The following RIMS1 variants were observed in gnomAD, a reference collection of about 807,000 sequenced individuals.
The protein encoded by RIMS1 is regulating synaptic membrane exocytosis 1.
Under a neutral mutation model 214.1 loss-of-function variants are expected in RIMS1, and 83 were observed. That is an observed-to-expected ratio of 0.39 (90% CI 0.32 to 0.47). The LOEUF is 0.47. Among genes scored for constraint, RIMS1 ranks in the 20% least tolerant of loss-of-function variants. RIMS1 has a pLI of 0.99. For synonymous variants in RIMS1, 793 were observed against 786.8 expected, an observed-to-expected ratio of 1.01 and a Z score of -0.13; for missense variants, 2,050 against 2,161.8, an observed-to-expected ratio of 0.95 and a Z score of 1.03.
intron 6 of RIMS1, among the ~76,000 whole-genome samples, chr6:72,208,171 T>G (rs2053247376): frequency 6.6e-6 from 1 of 152,192 alleles, no homozygotes; most frequent in African/African-American, 2.4e-5. Flanking sequence ...AAATGAGTAA[T>G]CTTATTTCTG....
At chr6:72,006,572 T>A (rs962375452) in intron 2 of RIMS1, among the ~76,000 whole-genome samples, 22 of 152,290 alleles carry the variant, frequency 1.4e-4, no homozygotes, top group Admixed American at 4.6e-4. Flanking sequence ...TTCCCTTTCC[T>A]AGCCAAGGAA....
rs375562812 is a variant in RIMS1, at chr6:72,096,760, A to T, written c.246-189A>T. On this transcript the variant is annotated intron_variant, in intron 2 of 33. Coordinates refer to ENST00000521978, the MANE Select transcript of RIMS1 (RefSeq NM_014989.7). Reference sequence around the variant, plus strand: ...TTCAGTGCTAATAAGCAAAACAGGGATTATGGAATCATGCTAATACATATC... The same window carrying T: ...TTCAGTGCTAATAAGCAAAACAGGGTTTATGGAATCATGCTAATACATATC... 1.0e-3 allele frequency among the ~76,000 whole-genome samples: 159 copies of T among 152,310 alleles called. 1 individual carries two copies. The highest frequency in any genetic ancestry group is 3.7e-3 in the African/African-American group (152 of 41,570).
chr6:72,288,230 T>G (rs2092725822), intron 24 of RIMS1, among the ~76,000 whole-genome samples: 1 of 151,908 alleles, frequency 6.6e-6, no homozygotes, highest in Non-Finnish European at 1.5e-5. Context: ...CATAATAAAA[T>G]AAAATAAAAT....
At chr6:71,924,372 A>T (rs1028167990) in intron 1 of RIMS1, among the ~76,000 whole-genome samples, 2 of 151,992 alleles carry the variant, frequency 1.3e-5, no homozygotes, top group African/African-American at 4.8e-5. Flanking sequence ...ACTTACCCTC[A>T]GGTTAGTTCC....
At chr6:72,222,657 T>C (rs983248898) in intron 6 of RIMS1, among the ~76,000 whole-genome samples, 1 of 152,166 alleles carries the variant, frequency 6.6e-6, no homozygotes, top group African/African-American at 2.4e-5. Context: ...TTGTTATGAT[T>C]ATTGCTATTT....
intron 29 of RIMS1, chr6:72,366,712 G>A: frequency 1.0e-6 from 1 of 985,778 alleles, no homozygotes. Context: ...GAGAGAATGG[G>A]AGAGAGACAG....
chr6:72,352,915 C>T (rs943689899), intron 29 of RIMS1, among the ~76,000 whole-genome samples: 21 of 150,904 alleles, frequency 1.4e-4, no homozygotes, highest in African/African-American at 5.1e-4. Context: ...AACTGACTGT[C>T]ACACACACAA....
At position 72,179,921 on chromosome 6, in the gene RIMS1, A is replaced by C. The variant is rs1276862521; in HGVS notation, c.812+6A>C. ...AGTGAACCTCCTAGAGAGAGGTAAT[A>C]GTTCTTTCACCCTGTAAGCAAAAGG... On this transcript the variant is annotated splice_donor_region_variant and intron_variant, in intron 5 of 33. Transcript: ENST00000521978. 6.9e-7 allele frequency: 1 copy of C among 1,453,070 alleles called. No individual in the cohort carries two copies. The highest frequency in any genetic ancestry group is 9.1e-7 in the Non-Finnish European group (1 of 1,098,060). The allele number at this position is 1,453,070 out of a possible 1,614,324, so 90.0% of individuals were successfully genotyped here.
chr6:72,109,437 TTC>T (rs2035537404), intron 4 of RIMS1, among the ~76,000 whole-genome samples: 2 of 152,140 alleles, frequency 1.3e-5, no homozygotes, highest in Admixed American at 1.3e-4. Context: ...TGATTTGCAT[TTC>T]TCTGATGGCC....
intron 29 of RIMS1, among the ~76,000 whole-genome samples, chr6:72,380,502 T>C (rs1451485073): frequency 6.6e-6 from 1 of 152,178 alleles, no homozygotes; most frequent in Non-Finnish European, 1.5e-5. Context: ...TAAGGAGATA[T>C]TCTAGGTTTA....
rs894078253 is a variant in RIMS1, at chr6:71,990,736, G to A, written c.245+21673G>A. 5.3e-5 allele frequency among the ~76,000 whole-genome samples: 8 copies of A among 152,156 alleles called. No individual in the cohort carries two copies. The East Asian group carries it at 9.7e-4, about 18-fold the overall frequency. ...CCTGACAGGATGGGCAGTAAGCTCC[G>A]AGATCAGAAGGAACGTGTCCCTGGA... is the stretch of plus-strand genomic sequence containing the variant. On this transcript the variant is annotated intron_variant, in intron 2 of 33. Coordinates refer to ENST00000521978, the MANE Select transcript of RIMS1 (RefSeq NM_014989.7).
chr6:71,898,352 C>T (rs917728955), intron 1 of RIMS1, among the ~76,000 whole-genome samples: 1 of 152,014 alleles, frequency 6.6e-6, no homozygotes, highest in Non-Finnish European at 1.5e-5. Context: ...AAAAAGGATA[C>T]CTCAGTTAAG....
rs2035639158 is a variant in RIMS1, at chr6:72,109,800, G to A, written c.471+9814G>A. Reference sequence around the variant, plus strand: ...CCATGCCTGTGTCCTGAATGGTAATGCCTAGGTTTTCTTCTAGGGTTTTTA... The same window carrying A: ...CCATGCCTGTGTCCTGAATGGTAATACCTAGGTTTTCTTCTAGGGTTTTTA... On this transcript the variant is annotated intron_variant, in intron 4 of 33. Transcript: ENST00000521978. Among the ~76,000 whole-genome samples the A allele has an allele frequency of 3.3e-5, 5 of 152,222 alleles. 1 individual carries two copies. The South Asian group carries it at 8.3e-4, about 25-fold the overall frequency.
intron 6 of RIMS1, among the ~76,000 whole-genome samples, chr6:72,208,410 C>T (rs767972588): frequency 5.3e-5 from 8 of 152,164 alleles, no homozygotes; most frequent in Non-Finnish European, 1.2e-4. Context: ...TTTTTCCATT[C>T]CCGTAAGATC....
chr6:71,986,313 A>C (rs1334111929), intron 2 of RIMS1, among the ~76,000 whole-genome samples: 1 of 151,712 alleles, frequency 6.6e-6, no homozygotes, highest in African/African-American at 2.4e-5. Flanking sequence ...TGTTTGTTTT[A>C]ATAATATGCA....
intron 23 of RIMS1, among the ~76,000 whole-genome samples, chr6:72,277,843 A>G (rs1443200698): frequency 1.3e-5 from 2 of 152,128 alleles, no homozygotes; most frequent in Non-Finnish European, 1.5e-5. Flanking sequence ...TGTAAATTAA[A>G]TGTAGATTGA....
chr6:72,372,741 C>T (rs566874253), intron 29 of RIMS1, among the ~76,000 whole-genome samples: 14 of 152,176 alleles, frequency 9.2e-5, no homozygotes, highest in Non-Finnish European at 1.8e-4. Flanking sequence ...TAATCTTCAG[C>T]GATTGGTTTG....
At chr6:72,280,954 G>A (rs999596981) in intron 23 of RIMS1, among the ~76,000 whole-genome samples, 9 of 152,092 alleles carry the variant, frequency 5.9e-5, no homozygotes, top group African/African-American at 1.9e-4. Flanking sequence ...CAAAACCTGT[G>A]TGTGTGTGCA....
chr6:72,098,210 A>C lies in RIMS1; in HGVS notation c.459+1048A>C, dbSNP rs560231337. Among the ~76,000 whole-genome samples the C allele has an allele frequency of 4.6e-5, 7 of 152,238 alleles. No homozygotes were observed. In the South Asian group the frequency reaches 1.4e-3, roughly 32 times the overall value. On this transcript the variant is annotated intron_variant, in intron 3 of 33. Coordinates refer to ENST00000521978, the MANE Select transcript of RIMS1 (RefSeq NM_014989.7). ...CCTCCCAATCAACATTATATTCTTT[A>C]GTAGTCTAGTTGAGTTACAAGTCAG...
Sources: gnomAD v4.1 joint callset for allele counts (sites outside exome capture counted in the v4.1 genomes callset) on GRCh38, gnomAD v4.1.1 for gene constraint, MANE v1.5 for transcripts, NCBI Gene and HGNC (gene_info 2026-07-23, HGNC 2026-07-21) for gene names.